The following NUP133 variants were observed in gnomAD, a reference collection of about 807,000 sequenced individuals.
NUP133 encodes nuclear pore complex protein Nup133.
NUP133 carries 66 observed loss-of-function variants against 146.2 expected under a neutral mutation model. The ratio of observed to expected loss-of-function variants is 0.45; its 90% CI spans 0.37 to 0.55. The LOEUF is 0.55. NUP133 is among the 20% of genes least tolerant of loss of function. The pLI is 0.00. For synonymous variants in NUP133, 521 were observed against 498.8 expected, an observed-to-expected ratio of 1.04 and a Z score of -0.59; for missense variants, 1,277 against 1,374.8, an observed-to-expected ratio of 0.93 and a Z score of 1.12.
At chr1:229,492,241 G>C (rs1294642017) in intron 8 of NUP133, among the ~76,000 whole-genome samples, 1 of 151,886 alleles carries the variant, frequency 6.6e-6, no homozygotes, top group Non-Finnish European at 1.5e-5. Flanking sequence ...CGAGTGGCTG[G>C]GATTACAGGC....
At chr1:229,493,176 T>C (rs939499816) in intron 8 of NUP133, among the ~76,000 whole-genome samples, 1 of 152,208 alleles carries the variant, frequency 6.6e-6, no homozygotes, top group African/African-American at 2.4e-5. Context: ...AATTTATTTA[T>C]TTTTGTTTTA....
In NUP133 at chr1:229,452,562, C is replaced by G; in HGVS notation, c.3062G>C (p.Ser1021Thr). 1 of 1,614,032 alleles carries G rather than the reference C, an allele frequency of 6.2e-7. No homozygotes were observed. The change falls in exon 22 of 26, where the codon AGT (serine) becomes ACT (threonine). Residue 1021 changes from serine to threonine, a missense_variant. Transcript: ENST00000261396. ...TGGTGCAGTCAATACTGGCATCGCA[C>G]TGAGATTTAGCTGTTTCTCCGCCAG... Reference protein sequence around the residue: ...QLLAEKQLNLSAMPVLTAPQL... With the variant: ...QLLAEKQLNLTAMPVLTAPQL...
chr1:229,471,497 C>T, intron 14 of NUP133, among the ~76,000 whole-genome samples: 1 of 152,196 alleles, frequency 6.6e-6, no homozygotes, highest in East Asian at 1.9e-4. Context: ...GCAACCTCCA[C>T]CTTCAAGGAC....
At chr1:229,473,839 A>C (rs910975583) in intron 14 of NUP133, among the ~76,000 whole-genome samples, 7 of 152,034 alleles carry the variant, frequency 4.6e-5, no homozygotes, top group African/African-American at 1.7e-4. Context: ...CAGGAGAATC[A>C]CTTGAGCCCA....
chr1:229,494,697 T>G (rs1443772711), intron 8 of NUP133, among the ~76,000 whole-genome samples: 1 of 152,232 alleles, frequency 6.6e-6, no homozygotes. Context: ...AAATTTACTC[T>G]GAGTATGAAC....
chr1:229,507,318 C>T (rs2102790850), intron 1 of NUP133, among the ~76,000 whole-genome samples: 1 of 152,154 alleles, frequency 6.6e-6, no homozygotes, highest in East Asian at 1.9e-4. Flanking sequence ...AATTTCAAGA[C>T]ACAATACTTT....
chr1:229,504,728 T>C (rs1350468010), intron 2 of NUP133, among the ~76,000 whole-genome samples: 1 of 152,232 alleles, frequency 6.6e-6, no homozygotes, highest in East Asian at 1.9e-4. Context: ...GAATTTTGCA[T>C]ATACAGTATT....
chr1:229,467,923 CAAAA>C (rs1368540952), intron 15 of NUP133, among the ~76,000 whole-genome samples: 1 of 71,000 alleles, frequency 1.4e-5, no homozygotes. Flanking sequence ...GACTCAGTCT[CAAAA>C]AAAAAAAAAA....
intron 16 of NUP133, among the ~76,000 whole-genome samples, chr1:229,465,731 A>G (rs1470962198): frequency 6.6e-6 from 1 of 152,002 alleles, no homozygotes; most frequent in Admixed American, 6.6e-5. Context: ...TGTACAAAAA[A>G]TTTTTAAAAT....
intron 24 of NUP133, among the ~76,000 whole-genome samples, chr1:229,447,837 G>T (rs1269531534): frequency 6.6e-6 from 1 of 152,130 alleles, no homozygotes; most frequent in Non-Finnish European, 1.5e-5. Context: ...AGATGCGTTA[G>T]AATCAGCATT....
rs1055935135 is a variant in NUP133, at chr1:229,447,016, C to T, written c.3246-2014G>A. Among the ~76,000 whole-genome samples the T allele has an allele frequency of 3.3e-5, 5 of 151,900 alleles. No homozygotes were observed. In the East Asian group the frequency reaches 5.8e-4, roughly 18 times the overall value. ...GTACACGCCTGCAATCCCAGCTACTCGGGAGGTTGAAGCAGGAGAATCACT... is the reference window on the plus strand; with the variant it reads ...GTACACGCCTGCAATCCCAGCTACTTGGGAGGTTGAAGCAGGAGAATCACT... On this transcript the variant is annotated intron_variant, in intron 24 of 25. Transcript: ENST00000261396.
rs1482229490 is a variant in NUP133 at position 229,449,157 on chromosome 1, C to G, written c.3214G>C (p.Glu1072Gln). The G allele has an allele frequency of 1.2e-6, 2 of 1,612,138 alleles. No individual in the cohort carries two copies. Among genetic ancestry groups the G allele is most frequent in the Non-Finnish European group, 8.5e-7 (1 of 1,178,720 alleles). The change falls in exon 24 of 26, where the codon GAA becomes CAA. Residue 1072 changes from glutamate (E) to glutamine (Q), a missense_variant. Coordinates refer to ENST00000261396, the MANE Select transcript of NUP133 (RefSeq NM_018230.3). ...EDININDLKL[E>Q]ILCKALQRDN... is the part of the protein sequence containing the mutation. ...CTCTGAAGAGCTTTGCAAAGGATTTCCAGTTTTAGATCATTTATATTTATA... is the reference window on the plus strand; with the variant it reads ...CTCTGAAGAGCTTTGCAAAGGATTTGCAGTTTTAGATCATTTATATTTATA...
chr1:229,442,544 C>T (rs1409365828), intron 25 of NUP133, among the ~76,000 whole-genome samples: 1 of 152,024 alleles, frequency 6.6e-6, no homozygotes, highest in African/African-American at 2.4e-5. Context: ...TGTGTAGTTA[C>T]AAACAAACAT....
At chr1:229,502,572 A>T (rs942537247) in intron 2 of NUP133, among the ~76,000 whole-genome samples, 1 of 150,092 alleles carries the variant, frequency 6.7e-6, no homozygotes, top group African/African-American at 2.4e-5. Flanking sequence ...AAAAAAAAAA[A>T]AAAAAAAAGA....
chr1:229,442,037 A>T lies in NUP133; in HGVS notation c.3338T>A (p.Ile1113Asn). ...KILQKLLKDG[I>N]QLSEYLPEVK... Reference sequence around the variant, plus strand: ...CTCCGGTAAGTACTCACTGAGCTGAATGCCTATAAACACAAACACAAGAAG... The same window carrying T: ...CTCCGGTAAGTACTCACTGAGCTGATTGCCTATAAACACAAACACAAGAAG... The change falls in exon 26 of 26, where the codon ATT (isoleucine) becomes AAT (asparagine). Residue 1113 changes from isoleucine (I) to asparagine (N), a missense_variant. Around this residue, in one of 3 missense-constraint regions of NUP133, gnomAD observed 952 missense variants for 1,047.0 expected, o/e 0.91. Coordinates refer to ENST00000261396, the MANE Select transcript of NUP133 (RefSeq NM_018230.3). The T allele has an allele frequency of 6.4e-7, 1 of 1,563,034 alleles. No individual in the cohort carries two copies.
At position 229,502,045 on chromosome 1, in the gene NUP133, T is replaced by C. The variant is rs759409621; in HGVS notation, c.359A>G (p.Lys120Arg). ...DEGGWACLVC[K>R]EKLIIWKIAL... ...AATCTTCCAAATAATGAGCTTCTCT[T>C]TGCACACCAGACAAGCCCATCCACC... Residue 120 changes from lysine to arginine, a missense_variant, in exon 3 of 26, where the codon AAA (lysine) becomes AGA (arginine). By Grantham distance (26) the Lys-to-Arg change is conservative (BLOSUM62 2). This residue lies in a region of NUP133 where 319 missense variants were observed against 306.9 expected (regional missense o/e 1.04). Transcript: ENST00000261396. 7 of 1,614,034 alleles carry C rather than the reference T, an allele frequency of 4.3e-6. No homozygotes were observed. The highest frequency in any genetic ancestry group is 5.1e-6 in the Non-Finnish European group (6 of 1,179,938).
intron 8 of NUP133, among the ~76,000 whole-genome samples, chr1:229,492,279 G>C (rs1366337609): frequency 6.6e-6 from 1 of 151,870 alleles, no homozygotes; most frequent in East Asian, 1.9e-4. Context: ...GCTAATTTTT[G>C]TATTTTTAGT....
At chr1:229,482,253 T>C (rs1661233108) in intron 12 of NUP133, among the ~76,000 whole-genome samples, 1 of 152,190 alleles carries the variant, frequency 6.6e-6, no homozygotes, top group Non-Finnish European at 1.5e-5. Flanking sequence ...CTGTTGTCTC[T>C]GTGAGTGAGC....
chr1:229,463,210 G>A (rs934713005), intron 19 of NUP133, among the ~76,000 whole-genome samples: 12 of 152,080 alleles, frequency 7.9e-5, no homozygotes, highest in African/African-American at 2.2e-4. Flanking sequence ...ACAACATAGC[G>A]AGACTTTGTC....
Sources: gnomAD v4.1 joint callset for allele counts (sites outside exome capture counted in the v4.1 genomes callset) on GRCh38, gnomAD v4.1.1 for gene constraint, gnomAD v4.1.1 regional missense constraint, MANE v1.5 for transcripts, NCBI Gene and HGNC (gene_info 2026-07-23, HGNC 2026-07-21) for gene names.